The following TBCK variants were observed in gnomAD, a reference collection of about 807,000 sequenced individuals.
TBCK encodes TBC domain-containing protein kinase-like protein.
Under a neutral mutation model 113.4 loss-of-function variants are expected in TBCK, and 99 were observed. The observed-to-expected ratio is 0.87, with a 90% CI of 0.74 to 1.03. The LOEUF (loss-of-function observed/expected upper bound fraction) is 1.03. Among genes scored for constraint, TBCK ranks in the 50% least tolerant of loss-of-function variants. TBCK has a pLI of 0.00. For missense variants in TBCK, 1,045 were observed against 1,061.3 expected, an observed-to-expected ratio of 0.98 and a Z score of 0.21; for synonymous variants, 369 against 370.8, an observed-to-expected ratio of 1.00 and a Z score of 0.05.
chr4:106,220,001 A>G (rs934512938), intron 19 of TBCK, among the ~76,000 whole-genome samples: 4 of 152,214 alleles, frequency 2.6e-5, no homozygotes, highest in African/African-American at 9.6e-5. Flanking sequence ...TTTAGCTTTT[A>G]ATATTTGAAC....
intron 25 of TBCK, among the ~76,000 whole-genome samples, chr4:106,059,456 ATC>A (rs1735793075): frequency 6.6e-6 from 1 of 151,582 alleles, no homozygotes; most frequent in Non-Finnish European, 1.5e-5. Context: ...TTATTATTAT[ATC>A]TGTTATGATG....
chr4:106,171,012 A>C, intron 23 of TBCK, 83 bp downstream of exon 23: 1 of 1,064,414 alleles, frequency 9.4e-7, no homozygotes, highest in East Asian at 2.7e-5. Flanking sequence ...TGACACCATT[A>C]AGAACAATAA....
intron 25 of TBCK, among the ~76,000 whole-genome samples, chr4:106,085,331 A>G (rs1276081437): frequency 2.0e-5 from 3 of 152,118 alleles, no homozygotes; most frequent in African/African-American, 7.2e-5. Context: ...GTCGCTGACA[A>G]AACAGACTTT....
At chr4:106,306,864 A>G (rs1329269404) in intron 2 of TBCK, among the ~76,000 whole-genome samples, 1 of 152,222 alleles carries the variant, frequency 6.6e-6, no homozygotes, top group Non-Finnish European at 1.5e-5. Context: ...TTGCAGAATC[A>G]ATCAATCAAA....
intron 23 of TBCK, among the ~76,000 whole-genome samples, chr4:106,149,886 T>A (rs1282226664): frequency 6.6e-6 from 1 of 152,200 alleles, no homozygotes; most frequent in Non-Finnish European, 1.5e-5. Context: ...TTACTGCATA[T>A]CTTCTAAGTT....
At chr4:106,120,658 C>A (rs1201324154) in intron 23 of TBCK, among the ~76,000 whole-genome samples, 1 of 152,168 alleles carries the variant, frequency 6.6e-6, no homozygotes, top group East Asian at 1.9e-4. Flanking sequence ...GTCCCTGACC[C>A]CTGACCCCCG....
chr4:106,235,371 T>C lies in TBCK; in HGVS notation c.1351-4A>G, dbSNP rs200202913. 14 of 1,583,796 alleles carry C rather than the reference T, an allele frequency of 8.8e-6. No individual in the cohort carries two copies. Among genetic ancestry groups the C allele is most frequent in the African/African-American group, 4.1e-5 (3 of 73,670 alleles). On this transcript the variant is annotated splice_polypyrimidine_tract_variant and splice_region_variant and intron_variant, in intron 14 of 25. Coordinates refer to ENST00000394708, the MANE Select transcript of TBCK (RefSeq NM_001163435.3). Reference sequence around the variant, plus strand: ...GGTTTTTTTTATATGGATAAGCCTATGATATCAAAAAAGAAATGAAAACGT... The same window carrying C: ...GGTTTTTTTTATATGGATAAGCCTACGATATCAAAAAAGAAATGAAAACGT...
intron 22 of TBCK, among the ~76,000 whole-genome samples, chr4:106,187,917 T>G (rs1753211840): frequency 6.6e-6 from 1 of 152,208 alleles, no homozygotes; most frequent in Non-Finnish European, 1.5e-5. Context: ...AAAACTTGGC[T>G]AAAGTTTTCA....
chr4:106,288,702 T>C (rs72878503), intron 3 of TBCK, among the ~76,000 whole-genome samples: 4,099 of 152,316 alleles, frequency 0.027, 178 homozygotes, highest in African/African-American at 0.094. Flanking sequence ...ATGTTGTGGG[T>C]ACCAGTAGCT....
chr4:106,264,917 T>C (rs1038633954), intron 3 of TBCK, among the ~76,000 whole-genome samples: 3 of 151,970 alleles, frequency 2.0e-5, no homozygotes, highest in South Asian at 2.1e-4. Context: ...CATTGTCTTA[T>C]AGCATTCTTT....
intron 25 of TBCK, among the ~76,000 whole-genome samples, chr4:106,055,106 G>C (rs1275712875): frequency 6.6e-6 from 1 of 151,634 alleles, no homozygotes; most frequent in East Asian, 1.9e-4. Context: ...AAGAGAAGTA[G>C]ATAGAAGAGT....
At chr4:106,049,891 C>A (rs1280019219) in intron 25 of TBCK, among the ~76,000 whole-genome samples, 3 of 151,988 alleles carry the variant, frequency 2.0e-5, no homozygotes, top group African/African-American at 7.3e-5. Flanking sequence ...TTTTAAAAGG[C>A]TCCCCCTTTC....
intron 25 of TBCK, among the ~76,000 whole-genome samples, chr4:106,071,520 A>G (rs1419847870): frequency 2.0e-5 from 3 of 152,280 alleles, no homozygotes; most frequent in Non-Finnish European, 2.9e-5. Context: ...ACTCCCAACT[A>G]TGTGGTCAAT....
intron 25 of TBCK, among the ~76,000 whole-genome samples, chr4:106,049,122 A>G (rs1343146902): frequency 6.6e-6 from 1 of 152,116 alleles, no homozygotes; most frequent in Non-Finnish European, 1.5e-5. Flanking sequence ...CCACGACTGC[A>G]TCTTTTCTAC....
At chr4:106,249,760 A>G (rs908471565) in intron 7 of TBCK, among the ~76,000 whole-genome samples, 20 of 152,194 alleles carry the variant, frequency 1.3e-4, no homozygotes, top group African/African-American at 4.8e-4. Flanking sequence ...AACTTTTGCA[A>G]ATTTATTTAT....
intron 20 of TBCK, among the ~76,000 whole-genome samples, chr4:106,202,167 C>G (rs1194771345): frequency 1.0e-5 from 1 of 98,054 alleles, no homozygotes; most frequent in Non-Finnish European, 2.1e-5. Context: ...AGTCATATAA[C>G]AAAAGATACA....
At chr4:106,131,226 T>A (rs1349677776) in intron 23 of TBCK, among the ~76,000 whole-genome samples, 1 of 152,226 alleles carries the variant, frequency 6.6e-6, no homozygotes, top group African/African-American at 2.4e-5. Context: ...ATGACAGGCC[T>A]CCCGAGCCAT....
chr4:106,097,696 T>C (rs753743738), intron 24 of TBCK, among the ~76,000 whole-genome samples: 7 of 152,100 alleles, frequency 4.6e-5, no homozygotes, highest in Admixed American at 1.3e-4. Flanking sequence ...TTAGGTGAAA[T>C]AGAACTGCTT....
chr4:106,188,747 G>A lies in TBCK; in HGVS notation c.2059+4862C>T, dbSNP rs771891598. ...TATTTTTCATTACAGTTCCCAATAC[G>A]TACGAAATATTTCTTTTAAACTTTA... On this transcript the variant is annotated intron_variant, in intron 22 of 25. Transcript: ENST00000394708. Among the ~76,000 whole-genome samples the A allele has an allele frequency of 3.3e-5, 5 of 152,068 alleles. No homozygotes were observed. The South Asian group carries it at 8.3e-4, about 25-fold the overall frequency.
Sources: gnomAD v4.1 joint callset for allele counts (sites outside exome capture counted in the v4.1 genomes callset) on GRCh38, gnomAD v4.1.1 for gene constraint, MANE v1.5 for transcripts, NCBI Gene and HGNC (gene_info 2026-07-23, HGNC 2026-07-21) for gene names.